The following CAPN13 variants were observed in gnomAD, a reference collection of about 807,000 sequenced individuals.
The protein encoded by CAPN13 is calpain-13.
A neutral mutation model predicts 98.4 loss-of-function variants in CAPN13; 90 were observed. The observed-to-expected ratio is 0.92, with a 90% CI of 0.77 to 1.09. The LOEUF (loss-of-function observed/expected upper bound fraction) is 1.09. Ranked by LOEUF, CAPN13 falls within the 50% of genes least tolerant of loss-of-function variation. CAPN13 has a pLI of 0.00. For missense variants in CAPN13, 887 were observed against 841.3 expected, an observed-to-expected ratio of 1.05 and a Z score of -0.67; for synonymous variants, 330 against 305.5, an observed-to-expected ratio of 1.08 and a Z score of -0.84.
intron 15 of CAPN13, among the ~76,000 whole-genome samples, chr2:30,739,159 T>G (rs1187359105): frequency 6.6e-6 from 1 of 152,206 alleles, no homozygotes; most frequent in East Asian, 1.9e-4. Context: ...GCAGTGTCTT[T>G]GATGACAATT....
chr2:30,767,081 G>A (rs1334879294), intron 5 of CAPN13, among the ~76,000 whole-genome samples: 1 of 152,202 alleles, frequency 6.6e-6, no homozygotes, highest in African/African-American at 2.4e-5. Context: ...AGGGATGGTG[G>A]GAAGGCATGG....
At chr2:30,742,136 T>C (rs759146667) in intron 14 of CAPN13, among the ~76,000 whole-genome samples, 172 bp from the exon 15 acceptor site, 4 of 152,214 alleles carry the variant, frequency 2.6e-5, no homozygotes, top group Non-Finnish European at 5.9e-5. Flanking sequence ...GGAAGAGGGC[T>C]GGGTTGAGCC....
chr2:30,732,372 TC>T, intron 20 of CAPN13, 65 bp downstream of exon 20: 1 of 1,597,788 alleles, frequency 6.3e-7, no homozygotes, highest in Non-Finnish European at 8.5e-7. Flanking sequence ...GTAGGGGGTG[TC>T]CGGTCCTCTC....
At chr2:30,785,639 T>G (rs1324072771) in intron 2 of CAPN13, among the ~76,000 whole-genome samples, 1 of 152,188 alleles carries the variant, frequency 6.6e-6, no homozygotes, top group Non-Finnish European at 1.5e-5. Flanking sequence ...AGTTGAGTTG[T>G]TGTGAGATTC....
chr2:30,768,708 T>TCCTTCCTTCCTTCCTTCC, intron 5 of CAPN13, among the ~76,000 whole-genome samples: 1 of 152,068 alleles, frequency 6.6e-6, no homozygotes, highest in African/African-American at 2.4e-5. Flanking sequence ...CTTCCTTCCT[T>TCCTTCCTTCCTTCCTTCC]TTATCCACAT....
rs779474697 is a variant in CAPN13 at position 30,763,141 on chromosome 2, G to A, written c.715C>T (p.Gln239Ter). The A allele has an allele frequency of 5.0e-6, 8 of 1,611,142 alleles. No homozygotes were observed. Among genetic ancestry groups the A allele is most frequent in the Non-Finnish European group, 6.8e-6 (8 of 1,178,896 alleles). Residue 239 changes from glutamine (Q) to a stop codon, truncating the protein, a stop_gained, in exon 7 of 23, where the codon CAG (glutamine) becomes TAG (stop). Transcript: ENST00000295055. LOFTEE classifies it high-confidence loss of function. ...ATPSGPTDTA[Q>*]AMENGLVSLH... ...CTCACCAGCCCATTCTCCATCGCCT[G>A]TGCTGTATCTGTTGGCTTCAAGGCA...
At chr2:30,743,246 T>C in intron 13 of CAPN13, 137 bp downstream of exon 13, 1 of 798,274 alleles carries the variant, frequency 1.3e-6, no homozygotes, top group Non-Finnish European at 2.1e-6. Context: ...TGAGCTGCTC[T>C]AGAGTGGGGC....
At chr2:30,743,209 A>G in intron 13 of CAPN13, 174 bp downstream of exon 13, 1 of 651,536 alleles carries the variant, frequency 1.5e-6, no homozygotes, top group South Asian at 1.9e-5. Context: ...TTCTTGGTTC[A>G]TAGACTTTCT....
intron 1 of CAPN13, among the ~76,000 whole-genome samples, chr2:30,788,123 G>A (rs1297850563): frequency 6.6e-6 from 1 of 152,202 alleles, no homozygotes; most frequent in African/African-American, 2.4e-5. Context: ...AAAAGATAGT[G>A]CAGTGAATAT....
At chr2:30,773,877 C>T (rs1025600920) in intron 4 of CAPN13, among the ~76,000 whole-genome samples, 1 of 152,150 alleles carries the variant, frequency 6.6e-6, no homozygotes, top group African/African-American at 2.4e-5. Context: ...AAACTTACAA[C>T]CACTGGATAA....
chr2:30,736,422 C>T, intron 18 of CAPN13, 81 bp downstream of exon 18: 1 of 1,380,160 alleles, frequency 7.2e-7, no homozygotes, highest in East Asian at 2.3e-5. Flanking sequence ...ACCCCTGAAC[C>T]CTGGTGCAGG....
chr2:30,775,330 T>C (rs900940185), intron 4 of CAPN13, among the ~76,000 whole-genome samples: 8 of 152,118 alleles, frequency 5.3e-5, no homozygotes, highest in African/African-American at 1.9e-4. Flanking sequence ...TAACACTTTA[T>C]TGAAGGACAG....
At position 30,758,006 on chromosome 2, in the gene CAPN13, C is replaced by T. The variant is rs113638338; in HGVS notation, c.866+40G>A. On this transcript the variant is annotated intron_variant, in intron 8 of 22. Transcript: ENST00000295055. ...GGCAGGAGGCTCTACCGACACCAAG[C>T]GCTCTGTGAAGGATGGAGAGAGGTT... 2,497 of 1,489,712 alleles carry T rather than the reference C, an allele frequency of 1.7e-3. 26 individuals are homozygous for T. The African/African-American group carries it at 0.027, about 16-fold the overall frequency. The allele number at this position is 1,489,712 out of a possible 1,614,324, so 92.3% of individuals were successfully genotyped here.
chr2:30,739,674 G>A (rs180968269), intron 15 of CAPN13, among the ~76,000 whole-genome samples: 3 of 152,178 alleles, frequency 2.0e-5, no homozygotes, highest in Admixed American at 6.5e-5. Context: ...CCATGGAATC[G>A]TCCACTATAA....
At position 30,723,353 on chromosome 2, in the gene CAPN13, C is replaced by T. The variant is rs535846327; in HGVS notation, c.*31-117G>A. 4 of 152,366 alleles carry T rather than the reference C, an allele frequency of 2.6e-5. No homozygotes were observed. The South Asian group carries it at 8.3e-4, about 32-fold the overall frequency. 9.4% of individuals were successfully genotyped at this position (152,366 alleles called of 1,614,324 possible). On this transcript the variant is annotated intron_variant, in intron 22 of 22. Transcript: ENST00000295055. ...CCAAAGATGCTGTTCTGGATCATCCCACAGTAAAGGAAGCACTGGCACTTC... is the reference window on the plus strand; with the variant it reads ...CCAAAGATGCTGTTCTGGATCATCCTACAGTAAAGGAAGCACTGGCACTTC...
At chr2:30,750,556 C>A (rs1194679524) in intron 11 of CAPN13, among the ~76,000 whole-genome samples, 1 of 152,062 alleles carries the variant, frequency 6.6e-6, no homozygotes, top group African/African-American at 2.4e-5. Context: ...AGCCACCAGA[C>A]GATGACTCGA....
chr2:30,796,421 T>A (rs957385279), intron 1 of CAPN13, among the ~76,000 whole-genome samples: 3 of 151,850 alleles, frequency 2.0e-5, no homozygotes, highest in African/African-American at 4.8e-5. Context: ...GACCCAGAGA[T>A]CATGGATGAA....
intron 5 of CAPN13, 105 bp downstream of exon 5, chr2:30,770,207 AG>A: frequency 1.4e-6 from 2 of 1,465,136 alleles, no homozygotes; most frequent in Non-Finnish European, 1.8e-6. Context: ...GGAGATGCCC[AG>A]CCAGGTGGCA....
In CAPN13 at chr2:30,776,102, C is replaced by G. The variant is rs773569116; in HGVS notation, c.272-57G>C. The G allele has an allele frequency of 3.9e-5, 46 of 1,188,950 alleles. 1 individual carries two copies. The East Asian group carries it at 1.1e-3, about 28-fold the overall frequency. 73.7% of individuals were successfully genotyped at this position (1,188,950 alleles called of 1,614,324 possible). On this transcript the variant is annotated intron_variant, in intron 3 of 22. Transcript: ENST00000295055. ...TTGGACACACTTGGAAACCCTCCCC[C>G]ATAATTTCAAAGGTCCTTACCACCA...
Sources: gnomAD v4.1 joint callset for allele counts (sites outside exome capture counted in the v4.1 genomes callset) on GRCh38, gnomAD v4.1.1 for gene constraint, MANE v1.5 for transcripts, NCBI Gene and HGNC (gene_info 2026-07-23, HGNC 2026-07-21) for gene names.